ASPSCR1: variants seen among roughly 807,000 people sequenced by gnomAD.
ASPSCR1 encodes the protein tether containing UBX domain for GLUT4.
A neutral mutation model predicts 68.9 loss-of-function variants in ASPSCR1; 55 were observed. The ratio of observed to expected loss-of-function variants is 0.80; its 90% CI spans 0.64 to 1.00. The LOEUF (loss-of-function observed/expected upper bound fraction) is 1.00, where lower values mean the gene tolerates loss of function less well. Ranked by LOEUF, ASPSCR1 falls within the 50% of genes least tolerant of loss-of-function variation. The pLI is 0.00. For synonymous variants in ASPSCR1, 352 were observed against 332.6 expected (o/e 1.06, Z -0.63); for missense variants, 765 against 762.2 (o/e 1.00, Z -0.04).
chr17:81,988,210 C>T (rs535127957), intron 4 of ASPSCR1, among the ~76,000 whole-genome samples: 8 of 151,254 alleles, frequency 5.3e-5, no homozygotes, highest in Non-Finnish European at 1.2e-4. Flanking sequence ...CCTGTAATTC[C>T]AACCCTTTGG....
chr17:82,015,328 C>G, intron 12 of ASPSCR1: 1 of 1,598,152 alleles, frequency 6.3e-7, no homozygotes, highest in Middle Eastern at 1.7e-4. Flanking sequence ...CGAGTCAAGG[C>G]TGGGCACAAG....
chr17:81,977,773 C>T lies in ASPSCR1; in HGVS notation c.102+25C>T. The T allele has an allele frequency of 1.6e-6, 2 of 1,212,590 alleles. No homozygotes were observed. Among genetic ancestry groups the T allele is most frequent in the Non-Finnish European group, 1.0e-6 (1 of 974,620 alleles). The allele number at this position is 1,212,590 out of a possible 1,614,324, so 75.1% of individuals were successfully genotyped here. On this transcript the variant is annotated intron_variant, in intron 1 of 15. Transcript: ENST00000306739. The surrounding 1 kb of genome is among the most constrained non-coding windows in gnomAD (Gnocchi z 5.0). ...GGTGCGGCCGCCCGCCCGGGGCGGACGGGTAGGCGGGCGGGGGGCGCTGCG... is the reference window on the plus strand; with the variant it reads ...GGTGCGGCCGCCCGCCCGGGGCGGATGGGTAGGCGGGCGGGGGGCGCTGCG...
At chr17:82,011,424 C>A (rs2042937429) in intron 10 of ASPSCR1, 119 bp from the exon 11 acceptor site, 1 of 975,730 alleles carries the variant, frequency 1.0e-6, no homozygotes, top group Non-Finnish European at 1.5e-6. Context: ...AGGAACAGGG[C>A]TGAATTCCCA....
At chr17:82,003,960 C>T (rs554705458) in intron 7 of ASPSCR1, among the ~76,000 whole-genome samples, 21 of 152,288 alleles carry the variant, frequency 1.4e-4, no homozygotes, top group African/African-American at 3.1e-4. Context: ...GGAGCCCTGG[C>T]GGGGCAGGCC....
chr17:81,984,793 C>A (rs368954140), intron 3 of ASPSCR1, among the ~76,000 whole-genome samples: 7 of 144,844 alleles, frequency 4.8e-5, no homozygotes, highest in Admixed American at 4.8e-4. Context: ...CCACACACAC[C>A]CCCACACACC....
At chr17:82,014,973 A>G in intron 12 of ASPSCR1, 7 of 1,326,012 alleles carry the variant, frequency 5.3e-6, no homozygotes, top group Non-Finnish European at 7.1e-6. Flanking sequence ...ATCCTGGGAC[A>G]GTGCTGGTGG....
In ASPSCR1 at chr17:81,986,575, A is replaced by G. The variant is rs2041999529; in HGVS notation, c.374+968A>G. ...TGGCTGGAAGTCTCTGTCCACAGTAAAAGGCTCAGCAGAATGGAAGGGACT... is the reference window on the plus strand; with the variant it reads ...TGGCTGGAAGTCTCTGTCCACAGTAGAAGGCTCAGCAGAATGGAAGGGACT... On this transcript the variant is annotated intron_variant, in intron 4 of 15. Transcript: ENST00000306739. The surrounding 1 kb of genome is among the most constrained non-coding windows in gnomAD (Gnocchi z 5.2). Among the ~76,000 whole-genome samples, 1 of 152,204 alleles carries G rather than the reference A, an allele frequency of 6.6e-6. No individual in the cohort carries two copies. The highest frequency in any genetic ancestry group is 1.5e-5 in the Non-Finnish European group (1 of 68,040).
chr17:81,995,796 C>T (rs984349390), intron 5 of ASPSCR1, among the ~76,000 whole-genome samples, 196 bp from the exon 6 acceptor site: 3 of 152,224 alleles, frequency 2.0e-5, no homozygotes, highest in Non-Finnish European at 4.4e-5. Flanking sequence ...GCAGGTCCTG[C>T]CCCGGCTGCA....
intron 7 of ASPSCR1, chr17:82,005,362 T>G (rs2042678476): frequency 6.6e-6 from 1 of 152,108 alleles, no homozygotes; most frequent in Non-Finnish European, 1.5e-5. Context: ...TGCGGTTCAG[T>G]TCCTCCTGCT....
chr17:81,983,815 C>A lies in ASPSCR1; in HGVS notation c.273+147C>A. 1.6e-6 allele frequency: 1 copy of A among 640,064 alleles called. No homozygotes were observed. Among genetic ancestry groups the A allele is most frequent in the Non-Finnish European group, 2.7e-6 (1 of 375,728 alleles). The allele number at this position is 640,064 out of a possible 1,614,324, so 39.6% of individuals were successfully genotyped here. On this transcript the variant is annotated intron_variant, in intron 3 of 15. Transcript: ENST00000306739. This position sits in a 1 kb window ranked among gnomAD's most constrained non-coding sequence, Gnocchi z 4.4. ...CTGCCTTCCCTGGGTTGGGCCCAAA[C>A]AGCTTCCTGTTTTTTGATAACTGGC...
At chr17:81,995,929 G>A in intron 5 of ASPSCR1, 63 bp from the exon 6 acceptor site, 1 of 1,544,842 alleles carries the variant, frequency 6.5e-7, no homozygotes, top group Non-Finnish European at 8.8e-7. Flanking sequence ...GGTGCCCGGA[G>A]GGCTTCCCTG....
chr17:81,977,819 G>T lies in ASPSCR1; in HGVS notation c.102+71G>T. ...CTGCGCCGAGGCCCCGCCCATTGCG[G>T]TCGGCGTCCCGGTGTTCGGGGGCGG... On this transcript the variant is annotated intron_variant, in intron 1 of 15. Transcript: ENST00000306739. The surrounding 1 kb of genome is among the most constrained non-coding windows in gnomAD (Gnocchi z 5.0). 8.8e-7 allele frequency: 1 copy of T among 1,139,842 alleles called. No individual in the cohort carries two copies. Among genetic ancestry groups the T allele is most frequent in the Non-Finnish European group, 1.1e-6 (1 of 913,650 alleles). 70.6% of individuals were successfully genotyped at this position (1,139,842 alleles called of 1,614,324 possible).
rs944007451 is a variant in ASPSCR1 at position 81,986,082 on chromosome 17, G to T, written c.374+475G>T. ...GCCTCCCAAAGCGTTGAGATTACAG[G>T]TGTGAGCTCCTGTGCCCCACCAGAA... On this transcript the variant is annotated intron_variant, in intron 4 of 15. Transcript: ENST00000306739. The surrounding 1 kb of genome is among the most constrained non-coding windows in gnomAD (Gnocchi z 5.2). Among the ~76,000 whole-genome samples, 2 of 152,104 alleles carry T rather than the reference G, an allele frequency of 1.3e-5. No homozygotes were observed. Among genetic ancestry groups the T allele is most frequent in the Non-Finnish European group, 2.9e-5 (2 of 68,024 alleles).
intron 11 of ASPSCR1, 173 bp from the exon 12 acceptor site, chr17:82,012,058 C>T (rs1294129182): frequency 1.9e-5 from 16 of 832,588 alleles, no homozygotes; most frequent in East Asian, 2.6e-5. Flanking sequence ...CCGGCCCTTC[C>T]GAGCCCTCAG....
intron 4 of ASPSCR1, among the ~76,000 whole-genome samples, chr17:81,994,496 C>G (rs1263114651): frequency 6.6e-6 from 1 of 152,220 alleles, no homozygotes; most frequent in Non-Finnish European, 1.5e-5. Flanking sequence ...CTGCTCGCCC[C>G]TCCTGTGCGG....
chr17:81,990,857 C>G lies in ASPSCR1; in HGVS notation c.375-3964C>G, dbSNP rs1344285802. Among the ~76,000 whole-genome samples, 1 of 152,086 alleles carries G rather than the reference C, an allele frequency of 6.6e-6. No homozygotes were observed. Among genetic ancestry groups the G allele is most frequent in the Non-Finnish European group, 1.5e-5 (1 of 67,984 alleles). On this transcript the variant is annotated intron_variant, in intron 4 of 15. Transcript: ENST00000306739. The surrounding 1 kb of genome is among the most constrained non-coding windows in gnomAD (Gnocchi z 4.1). ...TGGGTTTAGAGCCAGCAGGCACTAGCCCCAGGAGGTCATACTGTGACTCGG... is the reference window on the plus strand; with the variant it reads ...TGGGTTTAGAGCCAGCAGGCACTAGGCCCAGGAGGTCATACTGTGACTCGG...
At chr17:82,010,088 T>A in intron 9 of ASPSCR1, 1 of 103,512 alleles carries the variant, frequency 9.7e-6, no homozygotes, top group Non-Finnish European at 1.9e-5. Flanking sequence ...ATTTTTGTTG[T>A]TTTTTTTTTT....
intron 3 of ASPSCR1, among the ~76,000 whole-genome samples, chr17:81,985,167 C>T (rs1334060358): frequency 6.6e-6 from 1 of 151,470 alleles, no homozygotes; most frequent in Non-Finnish European, 1.5e-5. Flanking sequence ...CGCACACCTG[C>T]ACACACCCAC....
intron 7 of ASPSCR1, among the ~76,000 whole-genome samples, chr17:82,002,290 G>A (rs532965465): frequency 3.4e-5 from 5 of 148,478 alleles, no homozygotes; most frequent in African/African-American, 7.5e-5. Flanking sequence ...AGACAGTCTC[G>A]CGCTGTCACC....
Sources: allele counts gnomAD v4.1 joint callset (sites outside exome capture counted in the v4.1 genomes callset), GRCh38; gene constraint gnomAD v4.1.1; non-coding constraint Gnocchi (gnomAD v3.1); transcripts MANE v1.5; gene names NCBI Gene and HGNC (gene_info 2026-07-23, HGNC 2026-07-21).